Variants in TMEM123 observed in about 807,000 individuals in gnomAD.
TMEM123 encodes the protein porimin.
A neutral mutation model predicts 19.7 loss-of-function variants in TMEM123; 16 were observed. The observed-to-expected ratio is 0.81, with a 90% CI of 0.55 to 1.23. TMEM123 has a LOEUF of 1.23. Ranked by LOEUF, TMEM123 falls within the 50% of genes most tolerant of loss-of-function variation. TMEM123 has a pLI of 0.00. For synonymous variants in TMEM123, 118 were observed against 99.4 expected (o/e 1.19, Z -1.12); for missense variants, 313 against 257.8 (o/e 1.21, Z -1.47).
At chr11:102,420,630 G>A (rs1952077850) in intron 2 of TMEM123, among the ~76,000 whole-genome samples, 1 of 152,186 alleles carries the variant, frequency 6.6e-6, no homozygotes, top group Admixed American at 6.5e-5. Context: ...GTTGGCTAAG[G>A]AGTCCCTGCA....
chr11:102,441,694 AGAG>A (rs1000370849), intron 2 of TMEM123, among the ~76,000 whole-genome samples: 6 of 152,050 alleles, frequency 3.9e-5, no homozygotes, highest in South Asian at 2.1e-4. Flanking sequence ...AACTAAAATC[AGAG>A]GAGAACTGAA....
chr11:102,401,227 G>A (rs1036706377), intron 4 of TMEM123, among the ~76,000 whole-genome samples: 18 of 152,098 alleles, frequency 1.2e-4, no homozygotes, highest in Admixed American at 6.6e-5. Flanking sequence ...GCTGGGAACT[G>A]GTATTTCTTA....
At chr11:102,444,104 G>T (rs978838066) in intron 2 of TMEM123, among the ~76,000 whole-genome samples, 7 of 152,192 alleles carry the variant, frequency 4.6e-5, no homozygotes, top group Non-Finnish European at 1.0e-4. Context: ...TGGTGGGAGG[G>T]TAAAGTAGTT....
chr11:102,450,060 C>A (rs1241644978), intron 1 of TMEM123, among the ~76,000 whole-genome samples: 1 of 152,164 alleles, frequency 6.6e-6, no homozygotes, highest in African/African-American at 2.4e-5. Flanking sequence ...TTTGATTCTT[C>A]TCTCTTCCTC....
chr11:102,397,956 AAGC>A lies in TMEM123; in HGVS notation c.*908_*910del, dbSNP rs1488981244. The stretch of plus-strand genomic sequence containing the variant: ...TCAATTAAAAATTTCTAGATATTGA[AAGC>A]AGCTCTACAGTTCTTAAAATATTCA... On this transcript the variant is annotated 3_prime_UTR_variant, in exon 5 of 5. Transcript: ENST00000398136. The A allele has an allele frequency of 6.6e-6, 1 of 152,216 alleles. No individual in the cohort carries two copies. Among genetic ancestry groups the A allele is most frequent in the Non-Finnish European group, 1.5e-5 (1 of 68,022 alleles). The allele number at this position is 152,216 out of a possible 1,614,324, so 9.4% of individuals were successfully genotyped here. A position where few individuals can be genotyped will look rare whatever the true frequency, so the allele number is the denominator to read the frequency against.
chr11:102,407,730 G>T (rs537131372), intron 2 of TMEM123, among the ~76,000 whole-genome samples: 1 of 152,134 alleles, frequency 6.6e-6, no homozygotes, highest in South Asian at 2.1e-4. Flanking sequence ...GCCACAAACC[G>T]CCAGAAGCCA....
chr11:102,406,715 T>A lies in TMEM123; in HGVS notation c.158-4509A>T, dbSNP rs1269428768. Among the ~76,000 whole-genome samples the A allele has an allele frequency of 4.0e-5, 6 of 151,398 alleles. No individual in the cohort carries two copies. In the East Asian group the frequency reaches 1.2e-3, roughly 30 times the overall value. ...TGAAACCCCGTCTCTACCAAAAATA[T>A]AAAAAATTAGCCGGGCATGGTGGCG... is the stretch of plus-strand genomic sequence containing the variant. On this transcript the variant is annotated intron_variant, in intron 2 of 4. Transcript: ENST00000398136.
chr11:102,433,826 A>G (rs61334418), intron 2 of TMEM123, among the ~76,000 whole-genome samples: 6,942 of 151,666 alleles, frequency 0.046, 346 homozygotes, highest in Non-Finnish European at 0.075. Context: ...TGATGGTTTT[A>G]TAAGTGTCTG....
At chr11:102,430,403 G>C (rs1186435972) in intron 2 of TMEM123, among the ~76,000 whole-genome samples, 1 of 152,212 alleles carries the variant, frequency 6.6e-6, no homozygotes, top group Admixed American at 6.5e-5. Flanking sequence ...GGCAGAGTGA[G>C]ATGAAGCATC....
At chr11:102,434,474 A>T (rs1219883764) in intron 2 of TMEM123, among the ~76,000 whole-genome samples, 1 of 151,888 alleles carries the variant, frequency 6.6e-6, no homozygotes, top group Non-Finnish European at 1.5e-5. Flanking sequence ...TTGAGTTCTT[A>T]ATATATTTTA....
chr11:102,438,766 G>A (rs1051513982), intron 2 of TMEM123, among the ~76,000 whole-genome samples: 2 of 152,236 alleles, frequency 1.3e-5, no homozygotes, highest in African/African-American at 4.8e-5. Flanking sequence ...AGCCCACAGA[G>A]CGTAAGCCGA....
At chr11:102,450,247 A>C (rs1857924744) in intron 1 of TMEM123, among the ~76,000 whole-genome samples, 1 of 152,136 alleles carries the variant, frequency 6.6e-6, no homozygotes, top group Non-Finnish European at 1.5e-5. Flanking sequence ...TTTCTTGGCG[A>C]CTTATTTGAA....
intron 2 of TMEM123, among the ~76,000 whole-genome samples, chr11:102,438,815 G>T (rs1312125910): frequency 2.6e-5 from 4 of 152,232 alleles, no homozygotes; most frequent in Non-Finnish European, 1.5e-5. Context: ...AAGCACAAGG[G>T]GTTGGGGAAT....
chr11:102,428,601 C>T (rs760446940), intron 2 of TMEM123, among the ~76,000 whole-genome samples: 10 of 151,818 alleles, frequency 6.6e-5, no homozygotes, highest in Non-Finnish European at 1.0e-4. Context: ...GCCAGTGTGC[C>T]CGGCCCCCCC....
intron 2 of TMEM123, among the ~76,000 whole-genome samples, chr11:102,403,327 A>G (rs1951928641): frequency 6.6e-6 from 1 of 152,192 alleles, no homozygotes; most frequent in Non-Finnish European, 1.5e-5. Context: ...CTTAAAATAA[A>G]CTTCGATTAC....
At chr11:102,434,873 C>T (rs914379303) in intron 2 of TMEM123, among the ~76,000 whole-genome samples, 1 of 151,848 alleles carries the variant, frequency 6.6e-6, no homozygotes, top group African/African-American at 2.4e-5. Flanking sequence ...TATTCTTGCA[C>T]TTTTGTCTGA....
At chr11:102,427,300 G>A (rs1182221520) in intron 2 of TMEM123, among the ~76,000 whole-genome samples, 1 of 151,918 alleles carries the variant, frequency 6.6e-6, no homozygotes, top group East Asian at 1.9e-4. Flanking sequence ...CTTGTTCCTT[G>A]AGCTTTTTGT....
chr11:102,428,495 C>T (rs1020139140), intron 2 of TMEM123, among the ~76,000 whole-genome samples: 7 of 149,892 alleles, frequency 4.7e-5, no homozygotes, highest in Non-Finnish European at 7.4e-5. Flanking sequence ...TTAGTAGAGA[C>T]GGGGTTTTGC....
chr11:102,443,816 T>C (rs554609123), intron 2 of TMEM123, among the ~76,000 whole-genome samples: 1 of 152,094 alleles, frequency 6.6e-6, no homozygotes, highest in South Asian at 2.1e-4. Context: ...AGGGCTAATA[T>C]CCAGAACCTA....
Sources: allele counts gnomAD v4.1 joint callset (sites outside exome capture counted in the v4.1 genomes callset), GRCh38; gene constraint gnomAD v4.1.1; transcripts MANE v1.5; gene names NCBI Gene and HGNC (gene_info 2026-07-23, HGNC 2026-07-21).